The following NUP153 variants were observed in gnomAD, a reference collection of about 807,000 sequenced individuals.
NUP153 encodes the protein nucleoporin 153, also known as nuclear pore complex protein Nup153.
Under a neutral mutation model 134.6 loss-of-function variants are expected in NUP153, and 27 were observed. The ratio of observed to expected loss-of-function variants is 0.20; its 90% CI spans 0.15 to 0.28. The LOEUF (loss-of-function observed/expected upper bound fraction) is 0.28. NUP153 is among the 10% of genes least tolerant of loss of function. The probability of loss-of-function intolerance (pLI) is 1.00; values close to 1 mark genes in which losing one functional copy is unlikely to be tolerated. For synonymous variants in NUP153, 640 were observed against 623.5 expected (o/e 1.03, Z -0.40); for missense variants, 1,821 against 1,731.3 (o/e 1.05, Z -0.92).
chr6:17,648,084 C>T (rs563927949), intron 12 of NUP153, among the ~76,000 whole-genome samples, 179 bp from the exon 13 acceptor site: 2 of 152,232 alleles, frequency 1.3e-5, no homozygotes, highest in East Asian at 3.9e-4. Flanking sequence ...ATGTGGCTTC[C>T]TCTAAGGAGT....
chr6:17,661,576 C>T (rs1767183869), intron 11 of NUP153, 77 bp downstream of exon 11: 2 of 1,436,866 alleles, frequency 1.4e-6, no homozygotes, highest in Non-Finnish European at 1.9e-6. Context: ...AACCCCACCC[C>T]TACAGGTCTC....
intron 11 of NUP153, among the ~76,000 whole-genome samples, chr6:17,649,964 T>C (rs1268120649): frequency 6.6e-6 from 1 of 152,118 alleles, no homozygotes; most frequent in African/African-American, 2.4e-5. Context: ...AAGCATTTAG[T>C]AACTGTCAGT....
At chr6:17,635,454 C>T (rs1225939560) in intron 16 of NUP153, among the ~76,000 whole-genome samples, 4 of 151,984 alleles carry the variant, frequency 2.6e-5, no homozygotes, top group Non-Finnish European at 2.9e-5. Context: ...CAGGCTGAAG[C>T]GCAGTAGCAT....
At chr6:17,623,665 T>G (rs1386119618) in intron 20 of NUP153, among the ~76,000 whole-genome samples, 1 of 152,158 alleles carries the variant, frequency 6.6e-6, no homozygotes, top group Non-Finnish European at 1.5e-5. Context: ...TGCAGTATAT[T>G]CATACAATGA....
intron 5 of NUP153, among the ~76,000 whole-genome samples, chr6:17,669,964 G>C (rs1046872726): frequency 6.6e-6 from 1 of 151,740 alleles, no homozygotes; most frequent in Non-Finnish European, 1.5e-5. Context: ...GCGTGGCAGT[G>C]TGTGCCTGCA....
At position 17,616,671 on chromosome 6, in the gene NUP153, C is replaced by T. The variant is rs973622722; in HGVS notation, c.4199G>A (p.Ser1400Asn). 1 of 1,612,986 alleles carries T rather than the reference C, an allele frequency of 6.2e-7. No homozygotes were observed. Among genetic ancestry groups the T allele is most frequent in the African/African-American group, 1.3e-5 (1 of 74,898 alleles). The change falls in exon 21 of 22, where the codon AGC becomes AAC. Residue 1400 changes from serine to asparagine, a missense_variant. Transcript: ENST00000262077. ...NSSSAFQFGS[S>N]TTNFNFTNNS... is the part of the protein sequence containing the mutation. ...GTTTGTGAAGTTGAAATTTGTAGTG[C>T]TGCTGCCAAACTGGAAAGCCGAACC... is the stretch of plus-strand genomic sequence containing the variant.
intron 15 of NUP153, 66 bp from the exon 16 acceptor site, chr6:17,637,836 T>G: frequency 6.7e-7 from 1 of 1,496,760 alleles, no homozygotes; most frequent in Admixed American, 2.2e-5. Context: ...TTAATTTGAT[T>G]ATTATTACTG....
At chr6:17,698,737 C>CA (rs57961707) in intron 1 of NUP153, among the ~76,000 whole-genome samples, 2,360 of 79,904 alleles carry the variant, frequency 0.03, 69 homozygotes, top group African/African-American at 0.069. Flanking sequence ...GACTCTGTCT[C>CA]AAAAAAAAAA....
At chr6:17,621,933 C>T (rs912035339) in intron 20 of NUP153, among the ~76,000 whole-genome samples, 12 of 152,062 alleles carry the variant, frequency 7.9e-5, no homozygotes, top group African/African-American at 2.7e-4. Context: ...AATAACACAT[C>T]AGTTTTTAAA....
intron 9 of NUP153, 74 bp downstream of exon 9, chr6:17,665,165 T>C (rs1465113052): frequency 8.9e-6 from 10 of 1,124,160 alleles, no homozygotes; most frequent in Non-Finnish European, 1.3e-5. Flanking sequence ...ACAATGGTAG[T>C]TATATTTTAC....
chr6:17,624,966 G>C, intron 19 of NUP153, 133 bp from the exon 20 acceptor site: 2 of 812,164 alleles, frequency 2.5e-6, no homozygotes, highest in Non-Finnish European at 3.7e-6. Context: ...ATTCCATCAA[G>C]ACAAGTTTTA....
In NUP153 at chr6:17,625,739, G is replaced by T; in HGVS notation, c.3901+69C>A. ...TGTGATAACCTGCTATATGATATTC[G>T]CTAAGAACTGACACACTAATAAGTA... On this transcript the variant is annotated intron_variant, in intron 19 of 21. Coordinates refer to ENST00000262077, the MANE Select transcript of NUP153 (RefSeq NM_005124.4). This position sits in a 1 kb window ranked among gnomAD's most constrained non-coding sequence, Gnocchi z 4.7. The T allele has an allele frequency of 8.4e-7, 1 of 1,191,770 alleles. No homozygotes were observed. The highest frequency in any genetic ancestry group is 1.2e-6 in the Non-Finnish European group (1 of 815,480). The allele number at this position is 1,191,770 out of a possible 1,614,324, so 73.8% of individuals were successfully genotyped here. A position where few individuals can be genotyped will look rare whatever the true frequency, so the allele number is the denominator to read the frequency against.
At chr6:17,681,164 C>G (rs756686782) in intron 2 of NUP153, among the ~76,000 whole-genome samples, 1 of 151,660 alleles carries the variant, frequency 6.6e-6, no homozygotes, top group African/African-American at 2.4e-5. Flanking sequence ...GTGAAATACA[C>G]CAGGCACAAA....
In NUP153 at chr6:17,675,503, T is replaced by C. The variant is rs1344032561; in HGVS notation, c.583+19A>G. ...TAATGTTACTACCCAAATTATGTAC[T>C]ACCACATGTCAAGAATACCTTTATC... On this transcript the variant is annotated intron_variant, in intron 3 of 21. Coordinates refer to ENST00000262077, the MANE Select transcript of NUP153 (RefSeq NM_005124.4). The surrounding 1 kb of genome is among the most constrained non-coding windows in gnomAD (Gnocchi z 4.4). The C allele has an allele frequency of 5.0e-6, 8 of 1,612,936 alleles. No individual in the cohort carries two copies. Among genetic ancestry groups the C allele is most frequent in the Middle Eastern group, 1.6e-4 (1 of 6,062 alleles).
At chr6:17,678,449 A>G (rs1768367741) in intron 2 of NUP153, among the ~76,000 whole-genome samples, 1 of 151,974 alleles carries the variant, frequency 6.6e-6, no homozygotes, top group African/African-American at 2.4e-5. Context: ...AGAAATAAAG[A>G]GTGAATTTTA....
Position 17,615,672 on chromosome 6 carries a change from CTCTAATCTATACAGAAT to C in NUP153, c.*408_*424del, listed in dbSNP as rs373410612. 367 of 155,002 alleles carry C rather than the reference CTCTAATCTATACAGAAT, an allele frequency of 2.4e-3. 10 individuals carry two copies. In the East Asian group the frequency reaches 0.052, roughly 22 times the overall value. 9.6% of individuals were successfully genotyped at this position (155,002 alleles called of 1,614,324 possible). ...CATAGAAATCATCCGTTTCAACACT[CTCTAATCTATACAGAAT>C]TCTAATCTATACAGAATTCCTCAGA... On this transcript the variant is annotated 3_prime_UTR_variant, in exon 22 of 22. Transcript: ENST00000262077. This position sits in a 1 kb window ranked among gnomAD's most constrained non-coding sequence, Gnocchi z 5.7.
At chr6:17,640,180 A>C in intron 14 of NUP153, 116 bp from the exon 15 acceptor site, 1 of 801,806 alleles carries the variant, frequency 1.2e-6, no homozygotes, top group Non-Finnish European at 1.8e-6. Flanking sequence ...GTTCATGAAA[A>C]AAGTCACTTT....
chr6:17,676,778 G>A (rs1028706549), intron 2 of NUP153, among the ~76,000 whole-genome samples: 2 of 152,180 alleles, frequency 1.3e-5, no homozygotes, highest in African/African-American at 2.4e-5. Context: ...CTAGAGTCAA[G>A]TAAAACAGAG....
At chr6:17,624,479 T>G (rs1764815877) in intron 20 of NUP153, 82 bp downstream of exon 20, 1 of 1,338,720 alleles carries the variant, frequency 7.5e-7, no homozygotes, top group Non-Finnish European at 1.0e-6. Flanking sequence ...ATTAGACATA[T>G]GAATGGTTTC....
Sources: gnomAD v4.1 joint callset for allele counts (sites outside exome capture counted in the v4.1 genomes callset) on GRCh38, gnomAD v4.1.1 for gene constraint, Gnocchi (gnomAD v3.1) non-coding constraint, MANE v1.5 for transcripts, NCBI Gene and HGNC (gene_info 2026-07-23, HGNC 2026-07-21) for gene names.